Variants in UTY observed in about 807,000 individuals in gnomAD.
UTY encodes the protein ubiquitously transcribed tetratricopeptide repeat containing, Y-linked, also known as histone demethylase UTY.
A neutral mutation model predicts 32.5 loss-of-function variants in UTY; 12 were observed. The ratio of observed to expected loss-of-function variants is 0.37; its 90% confidence interval spans 0.24 to 0.60. UTY has a LOEUF of 0.60. Among genes scored for constraint, UTY ranks in the 20% least tolerant of loss-of-function variants. UTY has a pLI of 0.69. For missense variants in UTY, 303 were observed against 299.2 expected, an observed-to-expected ratio of 1.01 and a Z score of -0.09; for synonymous variants, 131 against 103.4, an observed-to-expected ratio of 1.27 and a Z score of -1.62.
chrY:13,303,363 T>C, intron 24 of UTY, among the ~76,000 whole-genome samples: 1 of 33,114 alleles, frequency 3.0e-5, no homozygotes, highest in Non-Finnish European at 7.5e-5. Flanking sequence ...AAATACAAAT[T>C]AGAAATACTA....
At chrY:13,438,938 T>G (rs2074952789) in intron 4 of UTY, among the ~76,000 whole-genome samples, 2 of 33,101 alleles carry the variant, frequency 6.0e-5, no homozygotes, top group Admixed American at 2.8e-4. Flanking sequence ...AATATCTATA[T>G]TGATTCTAAA....
chrY:13,464,994 G>C, intron 3 of UTY, among the ~76,000 whole-genome samples: 2 of 32,892 alleles, frequency 6.1e-5, no homozygotes, highest in African/African-American at 2.4e-4. Context: ...AGGAGGCTGA[G>C]GCTGAGACAG....
At chrY:13,432,387 CT>C in intron 4 of UTY, among the ~76,000 whole-genome samples, 2 of 33,227 alleles carry the variant, frequency 6.0e-5, no homozygotes, top group South Asian at 1.4e-3. Flanking sequence ...AGTATTCCCC[CT>C]GGGGCACAGT....
At chrY:13,380,813 A>G in intron 8 of UTY, among the ~76,000 whole-genome samples, 1 of 33,013 alleles carries the variant, frequency 3.0e-5, no homozygotes, top group Non-Finnish European at 7.5e-5. Context: ...GAAAAAAAAA[A>G]CACCAACCAG....
intron 6 of UTY, among the ~76,000 whole-genome samples, chrY:13,406,810 T>C: frequency 3.4e-5 from 1 of 29,763 alleles, no homozygotes; most frequent in South Asian, 7.2e-4. Context: ...AAATTTTACA[T>C]ATAAGATATA....
chrY:13,468,544 G>C, intron 3 of UTY, among the ~76,000 whole-genome samples: 1 of 31,797 alleles, frequency 3.1e-5, no homozygotes, highest in African/African-American at 1.2e-4. Flanking sequence ...GCCAGGCGTG[G>C]TGGCAGGCAC....
downstream of UTY, among the ~76,000 whole-genome samples, chrY:13,243,783 T>C (rs2053926396): frequency 3.1e-5 from 1 of 32,664 alleles, no homozygotes; most frequent in Non-Finnish European, 7.5e-5. Context: ...ATAATGTCAT[T>C]TGGAGAAAAT....
chrY:13,236,226 TTG>T (rs2053850362), intron 28 of UTY, among the ~76,000 whole-genome samples: 2 of 32,403 alleles, frequency 6.2e-5, no homozygotes. Flanking sequence ...TTAAAAAAAC[TTG>T]TGAGTGAAAT....
chrY:13,329,979 T>C (rs2060564613), intron 18 of UTY, among the ~76,000 whole-genome samples: 1 of 33,307 alleles, frequency 3.0e-5, no homozygotes, highest in African/African-American at 1.2e-4. Context: ...GTAAGGCCTA[T>C]TCCTACTCTT....
At chrY:13,469,213 CT>C (rs767648479) in intron 3 of UTY, among the ~76,000 whole-genome samples, 4 of 24,750 alleles carry the variant, frequency 1.6e-4, no homozygotes, top group South Asian at 9.2e-4. Flanking sequence ...CCACCTATTG[CT>C]TTTTTTTTTT....
chrY:13,308,602 A>G (rs2058833088), intron 21 of UTY, among the ~76,000 whole-genome samples: 3 of 33,096 alleles, frequency 9.1e-5, no homozygotes, highest in Non-Finnish European at 2.2e-4. Context: ...CTGGGCAACA[A>G]AGTGAGACTG....
intron 28 of UTY, among the ~76,000 whole-genome samples, chrY:13,253,664 GAAGAATGTTGCTGTTTTTA>G (rs2054401634): frequency 3.0e-5 from 1 of 33,889 alleles, no homozygotes; most frequent in South Asian, 6.7e-4. Flanking sequence ...TGGGACTACT[GAAGAATGTTGCTGTTTTTA>G]AAGAATGTTG....
intron 27 of UTY, among the ~76,000 whole-genome samples, chrY:13,277,898 A>G (rs2056790026): frequency 3.0e-5 from 1 of 33,786 alleles, no homozygotes; most frequent in African/African-American, 1.2e-4. Flanking sequence ...GTGAGAGACC[A>G]GTGAGGGAAG....
At chrY:13,250,804 TCTCA>T (rs2054084513) in intron 29 of UTY, among the ~76,000 whole-genome samples, 2 of 34,136 alleles carry the variant, frequency 5.9e-5, no homozygotes, top group Non-Finnish European at 1.5e-4. Context: ...TTGGGGGCAT[TCTCA>T]CTGAGAAGCA....
At chrY:13,428,322 A>G in intron 4 of UTY, among the ~76,000 whole-genome samples, 2 of 33,803 alleles carry the variant, frequency 5.9e-5, no homozygotes, top group East Asian at 7.7e-4. Context: ...TTTTATAGAT[A>G]CAAGTCTTAG....
chrY:13,440,151 G>A, intron 4 of UTY, among the ~76,000 whole-genome samples: 1 of 32,936 alleles, frequency 3.0e-5, no homozygotes, highest in Admixed American at 2.8e-4. Flanking sequence ...ATGAAAAATC[G>A]CCAAGCCCTG....
At chrY:13,435,014 A>G in intron 4 of UTY, among the ~76,000 whole-genome samples, 1 of 33,377 alleles carries the variant, frequency 3.0e-5, no homozygotes, top group Non-Finnish European at 7.4e-5. Flanking sequence ...GACAGACCAC[A>G]TATCAGGATA....
chrY:13,307,659 T>C (rs752333670), intron 21 of UTY, among the ~76,000 whole-genome samples: 35 of 33,254 alleles, frequency 1.1e-3, no homozygotes, highest in African/African-American at 3.7e-3. Context: ...GAAAAAAGTA[T>C]TGACACATTT....
intron 28 of UTY, among the ~76,000 whole-genome samples, chrY:13,257,865 C>A (rs2054912103): frequency 9.1e-5 from 3 of 32,877 alleles, no homozygotes; most frequent in Non-Finnish European, 1.5e-4. Context: ...TGGGGACAGA[C>A]CAAGAAGCTG....
Sources: allele counts gnomAD v4.1 joint callset (sites outside exome capture counted in the v4.1 genomes callset), GRCh38; gene constraint gnomAD v4.1.1; transcripts MANE v1.5; gene names NCBI Gene and HGNC (gene_info 2026-07-23, HGNC 2026-07-21).